The following SLC28A3 variants were observed in gnomAD, a reference collection of about 807,000 sequenced individuals.
The protein encoded by SLC28A3 is concentrative Na(+)-nucleoside cotransporter 3.
SLC28A3 carries 68 observed loss-of-function variants against 84.2 expected under a neutral mutation model. That is an observed-to-expected ratio of 0.81 (90% CI 0.66 to 0.99). The LOEUF (loss-of-function observed/expected upper bound fraction) is 0.99. Among genes scored for constraint, SLC28A3 ranks in the 50% least tolerant of loss-of-function variants. The probability of loss-of-function intolerance (pLI) is 0.00; values close to 1 mark genes in which losing one functional copy is unlikely to be tolerated. For synonymous variants in SLC28A3, 267 were observed against 303.6 expected (o/e 0.88, Z 1.25); for missense variants, 712 against 841.5 (o/e 0.85, Z 1.90).
intron 1 of SLC28A3, among the ~76,000 whole-genome samples, chr9:84,336,541 T>C (rs948899443): frequency 6.6e-6 from 1 of 152,200 alleles, no homozygotes; most frequent in African/African-American, 2.4e-5. Flanking sequence ...CCAAGTGTGG[T>C]GGCGCATGTC....
At chr9:84,354,473 G>T in the SLC28A3 span, among the ~76,000 whole-genome samples, 1 of 152,236 alleles carries the variant, frequency 6.6e-6, no homozygotes, top group African/African-American at 2.4e-5. Context: ...TATAGGAGTG[G>T]CCTGGGAAAG....
chr9:84,352,944 T>C, the SLC28A3 span, among the ~76,000 whole-genome samples: 1 of 150,096 alleles, frequency 6.7e-6, no homozygotes, highest in Admixed American at 6.6e-5. Flanking sequence ...TTTATTAAGA[T>C]TTTTAGTATG....
intron 1 of SLC28A3, among the ~76,000 whole-genome samples, chr9:84,335,207 A>C (rs1826929279): frequency 6.6e-6 from 1 of 151,896 alleles, no homozygotes; most frequent in Admixed American, 6.6e-5. Context: ...AAGAGAACTC[A>C]CTCTCTTTTT....
At position 84,276,929 on chromosome 9, in the gene SLC28A3, A is replaced by C. The variant is rs1326815340; in HGVS notation, c.*1289T>G. On this transcript the variant is annotated 3_prime_UTR_variant, in exon 18 of 18. Transcript: ENST00000376238. ...ATTGATGTTTGTGTTTTCTCACAGC[A>C]TGTGGTCTTCATGCTATTAAGAGCA... 6.6e-6 allele frequency: 1 copy of C among 152,238 alleles called. No homozygotes were observed. Among genetic ancestry groups the C allele is most frequent in the Non-Finnish European group, 1.5e-5 (1 of 68,054 alleles). The allele number at this position is 152,238 out of a possible 1,614,324, so 9.4% of individuals were successfully genotyped here.
At chr9:84,339,447 A>G (rs1004240905) in intron 1 of SLC28A3, among the ~76,000 whole-genome samples, 13 of 152,014 alleles carry the variant, frequency 8.6e-5, no homozygotes, top group African/African-American at 2.9e-4. Flanking sequence ...ATGGGGTTTC[A>G]CTATGTTGGC....
At chr9:84,289,746 G>A (rs1197036081) in intron 11 of SLC28A3, among the ~76,000 whole-genome samples, 1 of 152,262 alleles carries the variant, frequency 6.6e-6, no homozygotes, top group Non-Finnish European at 1.5e-5. Flanking sequence ...AGAGACAAAT[G>A]AATAGAAGTA....
chr9:84,283,696 G>C (rs1824861282), intron 14 of SLC28A3, among the ~76,000 whole-genome samples: 1 of 152,188 alleles, frequency 6.6e-6, no homozygotes, highest in African/African-American at 2.4e-5. Context: ...CTCATACTAG[G>C]GGCATGGGGG....
At chr9:84,304,255 A>G (rs1825719752) in intron 4 of SLC28A3, among the ~76,000 whole-genome samples, 1 of 152,228 alleles carries the variant, frequency 6.6e-6, no homozygotes. Context: ...TATCTGGCCC[A>G]GTACTCAGAA....
Position 84,288,087 on chromosome 9 carries a change from G to A in SLC28A3, c.1241C>T (p.Pro414Leu), listed in dbSNP as rs567058690. The A allele has an allele frequency of 6.6e-5, 107 of 1,613,996 alleles. 1 individual carries two copies. Among genetic ancestry groups the A allele is most frequent in the Non-Finnish European group, 8.6e-5 (102 of 1,179,952 alleles). Reference sequence around the variant, plus strand: ...CATGGCATTCTTGAGGGTTATTTTAGGTTTTTCTGTCTCAGGCCAAAAGAG... The same window carrying A: ...CATGGCATTCTTGAGGGTTATTTTAAGTTTTTCTGTCTCAGGCCAAAAGAG... ...AKLFWPETEK[P>L]KITLKNAMKM... The change falls in exon 12 of 18, where the codon CCT becomes CTT. Residue 414 changes from proline (P) to leucine (L), a missense_variant. Coordinates refer to ENST00000376238, the MANE Select transcript of SLC28A3 (RefSeq NM_001199633.2).
intron 11 of SLC28A3, among the ~76,000 whole-genome samples, chr9:84,289,382 T>C (rs1260671505): frequency 2.0e-5 from 3 of 152,234 alleles, no homozygotes; most frequent in African/African-American, 7.2e-5. Flanking sequence ...GGGGACTGTG[T>C]CTATGTGTGG....
At chr9:84,359,192 T>C in the SLC28A3 span, among the ~76,000 whole-genome samples, 29 of 152,348 alleles carry the variant, frequency 1.9e-4, no homozygotes, top group African/African-American at 7.0e-4. Flanking sequence ...TCTTCTGTTA[T>C]GGAGCACATT....
chr9:84,344,043 C>T (rs1827210710), upstream of SLC28A3, among the ~76,000 whole-genome samples: 1 of 152,104 alleles, frequency 6.6e-6, no homozygotes, highest in South Asian at 2.1e-4. Flanking sequence ...GCTGAGTTCT[C>T]TGTATCTCAG....
chr9:84,277,900 C>T lies in SLC28A3; in HGVS notation c.*318G>A, dbSNP rs767724536. ...TGAGTCAGAGCCCAGTTGTTGGGAG[C>T]GGCCGTTTATAGCTGTATTCTGGTG... On this transcript the variant is annotated 3_prime_UTR_variant, in exon 18 of 18. Coordinates refer to ENST00000376238, the MANE Select transcript of SLC28A3 (RefSeq NM_001199633.2). The T allele has an allele frequency of 4.7e-5, 12 of 256,374 alleles. No homozygotes were observed. The highest frequency in any genetic ancestry group is 1.3e-4 in the African/African-American group (6 of 45,550). 15.9% of individuals were successfully genotyped at this position (256,374 alleles called of 1,614,324 possible).
chr9:84,323,622 A>C (rs1013374912), intron 1 of SLC28A3, among the ~76,000 whole-genome samples: 1 of 151,870 alleles, frequency 6.6e-6, no homozygotes, highest in African/African-American at 2.4e-5. Context: ...ACGGGGTTTC[A>C]TCATGTTGGC....
At chr9:84,291,030 G>A (rs1393890675) in intron 10 of SLC28A3, among the ~76,000 whole-genome samples, 1 of 152,188 alleles carries the variant, frequency 6.6e-6, no homozygotes, top group Admixed American at 6.5e-5. Flanking sequence ...ATAGATAATA[G>A]CTGTACTTTT....
At chr9:84,306,896 G>T (rs536563141) in intron 3 of SLC28A3, among the ~76,000 whole-genome samples, 172 of 147,566 alleles carry the variant, frequency 1.2e-3, no homozygotes, top group African/African-American at 4.1e-3. Flanking sequence ...GGTGGCTCAT[G>T]CCTGTAATCC....
the SLC28A3 span, among the ~76,000 whole-genome samples, chr9:84,348,237 G>A: frequency 1.3e-5 from 2 of 151,786 alleles, no homozygotes; most frequent in East Asian, 1.9e-4. Flanking sequence ...ACCTGTAGTC[G>A]CAGCTACTTG....
At chr9:84,332,864 T>C (rs1009035067) in intron 1 of SLC28A3, among the ~76,000 whole-genome samples, 13 of 152,192 alleles carry the variant, frequency 8.5e-5, no homozygotes, top group African/African-American at 2.9e-4. Flanking sequence ...GGGACCAATA[T>C]AATTAACTTT....
chr9:84,282,521 T>G (rs1026593551), intron 14 of SLC28A3, among the ~76,000 whole-genome samples: 3 of 152,320 alleles, frequency 2.0e-5, no homozygotes, highest in Admixed American at 2.0e-4. Context: ...CGTGGGAAAG[T>G]TAGGATGCCC....
Sources: allele counts gnomAD v4.1 joint callset (sites outside exome capture counted in the v4.1 genomes callset), GRCh38; gene constraint gnomAD v4.1.1; transcripts MANE v1.5; gene names NCBI Gene and HGNC (gene_info 2026-07-23, HGNC 2026-07-21).